Variants in WWOX observed in about 807,000 individuals in gnomAD.
WWOX encodes the protein WW domain-containing oxidoreductase.
A neutral mutation model predicts 46.2 loss-of-function variants in WWOX; 69 were observed. The ratio of observed to expected loss-of-function variants is 1.49; its 90% CI spans 1.23 to 1.82. The LOEUF (loss-of-function observed/expected upper bound fraction) is 1.82, where lower values mean the gene tolerates loss of function less well. Among genes scored for constraint, WWOX ranks in the 40% most tolerant of loss-of-function variants. The pLI, the probability that WWOX is intolerant of heterozygous loss-of-function variation, is 0.00. For missense variants in WWOX, 919 were observed against 542.6 expected (o/e 1.69, Z -6.89); for synonymous variants, 359 against 202.6 (o/e 1.77, Z -6.56).
chr16:78,926,037 G>C (rs1224970673), intron 8 of WWOX, among the ~76,000 whole-genome samples: 1 of 152,196 alleles, frequency 6.6e-6, no homozygotes, highest in Non-Finnish European at 1.5e-5. Context: ...AACAATTCTG[G>C]AGACAGACAG....
chr16:78,741,961 C>T (rs1190304881), intron 8 of WWOX, among the ~76,000 whole-genome samples: 2 of 152,146 alleles, frequency 1.3e-5, no homozygotes, highest in African/African-American at 4.8e-5. Flanking sequence ...TTTAACTGGA[C>T]ATTATCTCTG....
intron 8 of WWOX, among the ~76,000 whole-genome samples, chr16:78,923,632 A>G (rs1210800015): frequency 2.6e-5 from 4 of 152,052 alleles, no homozygotes; most frequent in African/African-American, 7.2e-5. Flanking sequence ...TCACTCTTCT[A>G]TGAATCAAAT....
At chr16:78,108,352 T>A in intron 1 of WWOX, 71 bp from the exon 2 acceptor site, 1 of 1,500,222 alleles carries the variant, frequency 6.7e-7, no homozygotes. Context: ...GAGAAAAAAT[T>A]TAATACAATT....
chr16:78,620,691 G>T (rs76355469), intron 8 of WWOX, among the ~76,000 whole-genome samples: 1 of 117,342 alleles, frequency 8.5e-6, no homozygotes, highest in Non-Finnish European at 2.1e-5. Context: ...CAGGAAATAT[G>T]GTTTTTTTTT....
At chr16:78,603,073 A>T (rs1193407146) in intron 8 of WWOX, among the ~76,000 whole-genome samples, 1 of 152,286 alleles carries the variant, frequency 6.6e-6, no homozygotes, top group East Asian at 1.9e-4. Context: ...ACTAACTGCA[A>T]TCAGATGTTT....
chr16:78,366,496 A>T (rs1647135578), intron 5 of WWOX, among the ~76,000 whole-genome samples: 1 of 152,180 alleles, frequency 6.6e-6, no homozygotes, highest in South Asian at 2.1e-4. Flanking sequence ...ATGTAGTATT[A>T]ATTATAAGAC....
At chr16:78,228,792 G>T (rs1312874729) in intron 5 of WWOX, among the ~76,000 whole-genome samples, 1 of 152,300 alleles carries the variant, frequency 6.6e-6, no homozygotes, top group South Asian at 2.1e-4. Context: ...TCTGCTGGAA[G>T]ACCCTTCATT....
chr16:78,127,810 C>T (rs976606386), intron 4 of WWOX, among the ~76,000 whole-genome samples: 5 of 152,032 alleles, frequency 3.3e-5, no homozygotes, highest in Non-Finnish European at 7.4e-5. Flanking sequence ...GTTTTATTGC[C>T]ACTTAAAAAG....
At chr16:78,498,188 G>GAGC (rs1251629061) in intron 8 of WWOX, among the ~76,000 whole-genome samples, 2 of 111,028 alleles carry the variant, frequency 1.8e-5, no homozygotes, top group Non-Finnish European at 3.5e-5. Flanking sequence ...CTGGGCAACA[G>GAGC]AGCAAGACTC....
intron 8 of WWOX, among the ~76,000 whole-genome samples, chr16:78,723,304 A>C (rs998879338): frequency 5.9e-5 from 9 of 152,154 alleles, no homozygotes; most frequent in African/African-American, 2.2e-4. Flanking sequence ...ATCATGAAGC[A>C]TGGTCTCTTG....
At chr16:78,779,125 C>G (rs61283655) in intron 8 of WWOX, among the ~76,000 whole-genome samples, 1,599 of 152,228 alleles carry the variant, frequency 0.011, 22 homozygotes, top group African/African-American at 0.025. Context: ...TGTTGGAAAA[C>G]ATAAATGTGA....
chr16:78,934,428 G>T, intron 8 of WWOX, among the ~76,000 whole-genome samples: 1 of 144,236 alleles, frequency 6.9e-6, no homozygotes. Context: ...AGGATCACTT[G>T]AGTCCAGGAG....
chr16:78,779,552 CT>C (rs2050274588), intron 8 of WWOX, among the ~76,000 whole-genome samples: 1 of 152,156 alleles, frequency 6.6e-6, no homozygotes, highest in Admixed American at 6.5e-5. Context: ...GTGCTCAGCT[CT>C]TTGTACAGAT....
chr16:78,712,857 T>C (rs1399764160), intron 8 of WWOX, among the ~76,000 whole-genome samples: 1 of 152,204 alleles, frequency 6.6e-6, no homozygotes, highest in Non-Finnish European at 1.5e-5. Context: ...AAATTATTGT[T>C]GGCCGACTGT....
In WWOX at chr16:78,351,005, C is replaced by T. The variant is rs542150181; in HGVS notation, c.517-35855C>T. ...TCTTGTCATTTTATTGGGTATGAAG[C>T]GGTATTGCATTGTGATTTTGATTTG... is the stretch of plus-strand genomic sequence containing the variant. On this transcript the variant is annotated intron_variant, in intron 5 of 8. Coordinates refer to ENST00000566780, the MANE Select transcript of WWOX (RefSeq NM_016373.4). Among the ~76,000 whole-genome samples, 10 of 152,126 alleles carry T rather than the reference C, an allele frequency of 6.6e-5. 3 individuals are homozygous for T. The South Asian group carries it at 1.7e-3, about 25-fold the overall frequency.
chr16:78,139,042 A>G (rs1429217489), intron 4 of WWOX, among the ~76,000 whole-genome samples: 1 of 152,042 alleles, frequency 6.6e-6, no homozygotes, highest in Non-Finnish European at 1.5e-5. Context: ...ATCAGACCGT[A>G]TCTAGAATAT....
Position 79,149,103 on chromosome 16 carries a change from C to A in WWOX, c.1057-62505C>A, listed in dbSNP as rs140030939. Reference sequence around the variant, plus strand: ...GAGTAGTGAGAACATCCTTGCCTTGCTCCTGATCTTAGGGAGGGGGAAGTT... The same window carrying A: ...GAGTAGTGAGAACATCCTTGCCTTGATCCTGATCTTAGGGAGGGGGAAGTT... On this transcript the variant is annotated intron_variant, in intron 8 of 8. Coordinates refer to ENST00000566780, the MANE Select transcript of WWOX (RefSeq NM_016373.4). 2.1e-3 allele frequency among the ~76,000 whole-genome samples: 326 copies of A among 152,246 alleles called. 2 individuals are homozygous for A. The highest frequency in any genetic ancestry group is 7.4e-3 in the African/African-American group (307 of 41,552).
At chr16:78,378,116 G>GC in intron 5 of WWOX, among the ~76,000 whole-genome samples, 1 of 148,958 alleles carries the variant, frequency 6.7e-6, no homozygotes, top group African/African-American at 2.5e-5. Flanking sequence ...GCGTCCCCCC[G>GC]CCCTGCCCCC....
rs566757292 is a variant in WWOX, at chr16:78,750,508, T to G, written c.1056+317756T>G. ...TTATTTTTTATTTTTTGTTTCAGTT[T>G]CGGGGGGTACATGTGTAGGTCTGTT... On this transcript the variant is annotated intron_variant, in intron 8 of 8. Transcript: ENST00000566780. Among the ~76,000 whole-genome samples the G allele has an allele frequency of 5.9e-5, 9 of 152,302 alleles. No homozygotes were observed. The South Asian group carries it at 1.9e-3, about 32-fold the overall frequency.
Sources: allele counts gnomAD v4.1 joint callset (sites outside exome capture counted in the v4.1 genomes callset), GRCh38; gene constraint gnomAD v4.1.1; transcripts MANE v1.5; gene names NCBI Gene and HGNC (gene_info 2026-07-23, HGNC 2026-07-21).